EPB41L3: variants seen among roughly 807,000 people sequenced by gnomAD.
The protein encoded by EPB41L3 is band 4.1-like protein 3.
In EPB41L3, 57 loss-of-function variants were observed where a neutral mutation model predicts 127.1. The observed-to-expected ratio is 0.45, with a 90% CI of 0.36 to 0.56. EPB41L3 has a LOEUF of 0.56. Ranked by LOEUF, EPB41L3 falls within the 20% of genes least tolerant of loss-of-function variation. The probability of loss-of-function intolerance (pLI) is 0.00; values close to 1 mark genes in which losing one functional copy is unlikely to be tolerated. For synonymous variants in EPB41L3, 572 were observed against 549.5 expected (o/e 1.04, Z -0.57); for missense variants, 1,273 against 1,372.2 (o/e 0.93, Z 1.14).
chr18:5,556,158 A>T lies in EPB41L3; in HGVS notation c.-306+56182T>A, dbSNP rs1310805258. Among the ~76,000 whole-genome samples the T allele has an allele frequency of 2.6e-5, 4 of 152,224 alleles. No individual in the cohort carries two copies. In the East Asian group the frequency reaches 7.7e-4, roughly 29 times the overall value. On this transcript the variant is annotated intron_variant, in intron 3 of 21. Coordinates refer to the EPB41L3 transcript ENST00000545076. ...AAATAAATGTTGATGGACTGTCATT[A>T]TTGGAATCAGGACAGTACATAATGG...
At chr18:5,464,859 A>G (rs1437080606) in intron 3 of EPB41L3, among the ~76,000 whole-genome samples, 2 of 152,204 alleles carry the variant, frequency 1.3e-5, no homozygotes, top group African/African-American at 4.8e-5. Context: ...GAGATGAAGA[A>G]AAAGAGGGTT....
chr18:5,474,047 T>C (rs1568333924), intron 3 of EPB41L3, among the ~76,000 whole-genome samples: 1 of 151,916 alleles, frequency 6.6e-6, no homozygotes, highest in Non-Finnish European at 1.5e-5. Flanking sequence ...TTGGCTAACG[T>C]GGTGAAACCC....
At chr18:5,396,734 T>A (rs1009863394) in intron 18 of EPB41L3, among the ~76,000 whole-genome samples, 8 of 152,194 alleles carry the variant, frequency 5.3e-5, no homozygotes, top group Non-Finnish European at 1.2e-4. Flanking sequence ...TGATAAGAAA[T>A]AAATGTATCA....
chr18:5,399,939 T>C (rs562691929), intron 16 of EPB41L3: 1 of 152,344 alleles, frequency 6.6e-6, no homozygotes, highest in South Asian at 2.1e-4. Context: ...TTCAAGGCAT[T>C]GTAATGAAAT....
chr18:5,443,772 C>A, intron 5 of EPB41L3, 66 bp downstream of exon 5: 1 of 1,362,638 alleles, frequency 7.3e-7, no homozygotes, highest in South Asian at 1.3e-5. Context: ...TATGGGCTAC[C>A]AATTCAGACA....
chr18:5,470,563 T>C (rs531955228), intron 3 of EPB41L3, among the ~76,000 whole-genome samples: 1 of 152,222 alleles, frequency 6.6e-6, no homozygotes, highest in South Asian at 2.1e-4. Flanking sequence ...TTCTAGAAAA[T>C]GCAAAGATTT....
At chr18:5,628,275 G>A (rs962124552) in intron 1 of EPB41L3, among the ~76,000 whole-genome samples, 5 of 152,264 alleles carry the variant, frequency 3.3e-5, no homozygotes, top group African/African-American at 1.2e-4. Context: ...AGTTAGATTT[G>A]GGATTTACCA....
chr18:5,492,090 C>A (rs1316753752), intron 1 of EPB41L3, among the ~76,000 whole-genome samples: 1 of 152,080 alleles, frequency 6.6e-6, no homozygotes, highest in Non-Finnish European at 1.5e-5. Context: ...GAGGCCGAGG[C>A]GGGTGGATCA....
chr18:5,617,781 G>T (rs1274660923), intron 1 of EPB41L3, among the ~76,000 whole-genome samples: 1 of 152,166 alleles, frequency 6.6e-6, no homozygotes, highest in Non-Finnish European at 1.5e-5. Flanking sequence ...TAATAAATTT[G>T]GAGCAAGGAG....
At chr18:5,502,582 T>C (rs1201113682) in intron 1 of EPB41L3, among the ~76,000 whole-genome samples, 2 of 152,222 alleles carry the variant, frequency 1.3e-5, no homozygotes, top group African/African-American at 4.8e-5. Flanking sequence ...TAAACTCTTC[T>C]GTTCAGAGGG....
chr18:5,432,745 A>C (rs150610463), intron 8 of EPB41L3, among the ~76,000 whole-genome samples: 1 of 152,130 alleles, frequency 6.6e-6, no homozygotes, highest in African/African-American at 2.4e-5. Context: ...TCTCAACCCA[A>C]ATTCTTTGTA....
rs1282298186 is a variant in EPB41L3 at position 5,543,853 on chromosome 18, C to T, written c.-12+60G>A. On this transcript the variant is annotated intron_variant, in intron 1 of 22. Transcript: ENST00000341928. This position sits in a 1 kb window ranked among gnomAD's most constrained non-coding sequence, Gnocchi z 5.2. ...CGCCCCAGGCCTCGGGCTCTTCCTCCGCACCTCGTAAAGCCGAGACCCCCT... is the reference window on the plus strand; with the variant it reads ...CGCCCCAGGCCTCGGGCTCTTCCTCTGCACCTCGTAAAGCCGAGACCCCCT... The T allele has an allele frequency of 7.1e-6, 7 of 983,246 alleles. No individual in the cohort carries two copies. The highest frequency in any genetic ancestry group is 8.5e-6 in the Non-Finnish European group (7 of 828,204). The allele number at this position is 983,246 out of a possible 1,614,324, so 60.9% of individuals were successfully genotyped here.
chr18:5,568,124 T>C (rs996596498), intron 3 of EPB41L3, among the ~76,000 whole-genome samples: 1 of 152,116 alleles, frequency 6.6e-6, no homozygotes, highest in African/African-American at 2.4e-5. Context: ...CTGAAATATA[T>C]GATGATGGAT....
At position 5,423,404 on chromosome 18, in the gene EPB41L3, T is replaced by G; in HGVS notation, c.1313A>C (p.Tyr438Ser). ...TCCATCCAAGCTGCGAGACATGGTA[T>G]AACGTTTGCTGGATGAGCGTTCAAA... is the stretch of plus-strand genomic sequence containing the variant. ...PYFERSSSKR[Y>S]TMSRSLDGEV... The change falls in exon 11 of 23, where the codon TAT (tyrosine) becomes TCT (serine). Residue 438 changes from tyrosine (Y) to serine (S), a missense_variant. By Grantham distance (144) the Tyr-to-Ser change is moderately radical. Transcript: ENST00000341928. 1 of 1,612,152 alleles carries G rather than the reference T, an allele frequency of 6.2e-7. No homozygotes were observed. The highest frequency in any genetic ancestry group is 8.5e-7 in the Non-Finnish European group (1 of 1,178,486).
chr18:5,630,565 C>T (rs1447691457), upstream of EPB41L3: 1 of 513,608 alleles, frequency 1.9e-6, no homozygotes, highest in African/African-American at 1.9e-5. Flanking sequence ...CGGGAAAGAG[C>T]TCCTGGAGGC....
intron 16 of EPB41L3, among the ~76,000 whole-genome samples, chr18:5,404,610 A>G (rs372424457): frequency 6.6e-6 from 1 of 152,178 alleles, no homozygotes; most frequent in African/African-American, 2.4e-5. Context: ...TGTTTAGGGT[A>G]TTATAAATGT....
chr18:5,404,358 C>G (rs7231743), intron 16 of EPB41L3, among the ~76,000 whole-genome samples: 1 of 152,120 alleles, frequency 6.6e-6, no homozygotes, highest in Non-Finnish European at 1.5e-5. Flanking sequence ...ACCCTGCAGA[C>G]GCTGAAAGCA....
chr18:5,533,109 A>G (rs2093462642), intron 1 of EPB41L3, among the ~76,000 whole-genome samples: 1 of 152,160 alleles, frequency 6.6e-6, no homozygotes, highest in East Asian at 1.9e-4. Flanking sequence ...GGTAACTCCA[A>G]AATCGCAATT....
intron 3 of EPB41L3, among the ~76,000 whole-genome samples, chr18:5,462,116 A>T (rs1160043983): frequency 6.6e-6 from 1 of 152,222 alleles, no homozygotes; most frequent in East Asian, 1.9e-4. Flanking sequence ...TTTCTGAATC[A>T]CACCACTCTT....
Sources: allele counts gnomAD v4.1 joint callset (sites outside exome capture counted in the v4.1 genomes callset), GRCh38; gene constraint gnomAD v4.1.1; non-coding constraint Gnocchi (gnomAD v3.1); transcripts MANE v1.5; gene names NCBI Gene and HGNC (gene_info 2026-07-23, HGNC 2026-07-21).